BRCA2: variants seen among roughly 807,000 people sequenced by gnomAD.
The protein encoded by BRCA2 is BRCA2 DNA repair associated.
In BRCA2, 203 loss-of-function variants were observed where a neutral mutation model predicts 276.7. That is an observed-to-expected ratio of 0.73 (90% CI 0.65 to 0.82). The LOEUF is 0.82. Ranked by LOEUF, BRCA2 falls within the 40% of genes least tolerant of loss-of-function variation. The pLI is 0.00. For missense variants in BRCA2, 3,920 were observed against 3,915.0 expected (o/e 1.00, Z -0.03); for synonymous variants, 1,289 against 1,338.4 (o/e 0.96, Z 0.81).
intron 3 of BRCA2, among the ~76,000 whole-genome samples, chr13:32,323,413 A>G (rs1314714263): frequency 6.6e-6 from 1 of 152,152 alleles, no homozygotes; most frequent in Non-Finnish European, 1.5e-5. Context: ...TCGGCCTCCC[A>G]AAGTGCTGGG....
intron 9 of BRCA2, among the ~76,000 whole-genome samples, chr13:32,331,491 C>T (rs11571638): frequency 1.1e-4 from 17 of 152,044 alleles, no homozygotes; most frequent in Non-Finnish European, 2.4e-4. Context: ...TAAGCCCAGG[C>T]GGTCAAGGTT....
intron 24 of BRCA2, among the ~76,000 whole-genome samples, chr13:32,382,522 A>G (rs965740237): frequency 1.3e-5 from 2 of 152,242 alleles, no homozygotes; most frequent in African/African-American, 4.8e-5. Flanking sequence ...GCTATTTCAT[A>G]GAATTGATAA....
chr13:32,397,146 T>G, intron 26 of BRCA2, 102 bp downstream of exon 26: 1 of 1,329,384 alleles, frequency 7.5e-7, no homozygotes, highest in Non-Finnish European at 1.1e-6. Flanking sequence ...TAATTAAACT[T>G]AATTAGAAAA....
intron 24 of BRCA2, among the ~76,000 whole-genome samples, chr13:32,392,337 C>A (rs2073002467): frequency 6.6e-6 from 1 of 152,176 alleles, no homozygotes; most frequent in East Asian, 1.9e-4. Flanking sequence ...TCAGTTCTAT[C>A]CTGGTTTATC....
At position 32,376,713 on chromosome 13, in the gene BRCA2, A is replaced by C; in HGVS notation, c.8676A>C (p.Arg2892Ser). The C allele has an allele frequency of 1.2e-6, 2 of 1,614,166 alleles. No individual in the cohort carries two copies. Among genetic ancestry groups the C allele is most frequent in the Non-Finnish European group, 1.7e-6 (2 of 1,180,002 alleles). The change falls in exon 21 of 27, where the codon AGA (arginine) becomes AGC (serine). Residue 2892 changes from arginine (R) to serine (S), a missense_variant. This residue lies in a region of BRCA2 where 657 missense variants were observed against 758.2 expected (regional missense o/e 0.87). Coordinates refer to ENST00000380152, the MANE Select transcript of BRCA2 (RefSeq NM_000059.4). ...KPYLPSRALT[R>S]QQVRALQDGA... ...ATTTACCATCACGTGCACTAACAAG[A>C]CAGCAAGTTCGTGCTTTGCAAGATG...
chr13:32,342,728 A>G (rs2072581024), intron 11 of BRCA2, among the ~76,000 whole-genome samples: 1 of 152,194 alleles, frequency 6.6e-6, no homozygotes, highest in South Asian at 2.1e-4. Context: ...GAACATAGAA[A>G]AGGTACAGTA....
chr13:32,382,177 C>T (rs886664369), intron 24 of BRCA2, among the ~76,000 whole-genome samples: 3 of 152,118 alleles, frequency 2.0e-5, no homozygotes, highest in Admixed American at 6.5e-5. Flanking sequence ...TGGTCTCGAT[C>T]TCCTGACCTC....
intron 10 of BRCA2, among the ~76,000 whole-genome samples, chr13:32,334,689 A>G (rs1307235187): frequency 6.7e-6 from 1 of 150,318 alleles, no homozygotes; most frequent in Non-Finnish European, 1.5e-5. Flanking sequence ...AAAAAAAAAG[A>G]AAAAAAAAAT....
intron 2 of BRCA2, among the ~76,000 whole-genome samples, chr13:32,317,121 C>A (rs375293168): frequency 6.6e-6 from 1 of 152,160 alleles, no homozygotes; most frequent in Non-Finnish European, 1.5e-5. Flanking sequence ...ATCGCTTGAA[C>A]CCTGGAGGCA....
intron 7 of BRCA2, 29 bp from the exon 8 acceptor site, chr13:32,329,414 T>G: frequency 2.0e-6 from 3 of 1,532,876 alleles, no homozygotes; most frequent in Non-Finnish European, 2.7e-6. Flanking sequence ...AGTGATAATA[T>G]ACAATACACA....
At chr13:32,360,136 G>GA (rs1184273631) in intron 16 of BRCA2, among the ~76,000 whole-genome samples, 5 of 152,162 alleles carry the variant, frequency 3.3e-5, no homozygotes, top group Non-Finnish European at 7.3e-5. Flanking sequence ...AAAGTAAAAG[G>GA]AGGGAGCATA....
rs879254111 is a variant in BRCA2 at position 32,337,030 on chromosome 13, TC to T, written c.2677del (p.Gln893LysfsTer2). ...LFSDNENNFV[F>X]QVANERNNLA... ...TCAGACAATGAGAATAATTTTGTCT[TC>T]CAAGTAGCTAATGAAAGGAATAATC... is the stretch of plus-strand genomic sequence containing the variant. On this transcript the variant is annotated frameshift_variant, in exon 11 of 27. Transcript: ENST00000380152. LOFTEE classifies it high-confidence loss of function. 6.3e-7 allele frequency: 1 copy of T among 1,597,092 alleles called. No individual in the cohort carries two copies. Among genetic ancestry groups the T allele is most frequent in the South Asian group, 1.2e-5 (1 of 86,592 alleles).
At chr13:32,319,400 C>T in intron 3 of BRCA2, 75 bp downstream of exon 3, 1 of 1,419,026 alleles carries the variant, frequency 7.0e-7, no homozygotes, top group Non-Finnish European at 9.8e-7. Context: ...AAAATCTTAG[C>T]TCATTCATTA....
intron 4 of BRCA2, among the ~76,000 whole-genome samples, chr13:32,325,603 C>T (rs1454385335): frequency 2.7e-5 from 4 of 146,284 alleles, no homozygotes; most frequent in African/African-American, 7.7e-5. Context: ...TGCAGTGGTG[C>T]GATCTCAGCT....
At position 32,339,343 on chromosome 13, in the gene BRCA2, T is replaced by C. The variant is rs1060502436; in HGVS notation, c.4988T>C (p.Val1663Ala). 1 of 1,590,224 alleles carries C rather than the reference T, an allele frequency of 6.3e-7. No homozygotes were observed. Among genetic ancestry groups the C allele is most frequent in the Non-Finnish European group, 8.5e-7 (1 of 1,169,982 alleles). ...TACACAAATCAGTCCCCTTATTCAGTCATTGAAAATTCAGCCTTAGCTTTT... is the reference window on the plus strand; with the variant it reads ...TACACAAATCAGTCCCCTTATTCAGCCATTGAAAATTCAGCCTTAGCTTTT... ...TCYTNQSPYS[V>A]IENSALAFYT... The change falls in exon 11 of 27, where the codon GTC becomes GCC. Residue 1663 changes from valine (V) to alanine (A), a missense_variant. Physicochemically the swap from Val to Ala is moderately conservative, Grantham distance 64. Coordinates refer to ENST00000380152, the MANE Select transcript of BRCA2 (RefSeq NM_000059.4).
rs794726968 is a variant in BRCA2, at chr13:32,333,398, C to T, written c.1909+11C>T. ...CAAATGCTGATTCAGGTACCTCTGT[C>T]TTTTTTTTTTTGTAAATAGTACATA... On this transcript the variant is annotated intron_variant, in intron 10 of 26. Coordinates refer to ENST00000380152, the MANE Select transcript of BRCA2 (RefSeq NM_000059.4). 1.6e-6 allele frequency: 2 copies of T among 1,254,518 alleles called. No homozygotes were observed. The highest frequency in any genetic ancestry group is 2.2e-6 in the Non-Finnish European group (2 of 913,366). 77.7% of individuals were successfully genotyped at this position (1,254,518 alleles called of 1,614,324 possible). A position where few individuals can be genotyped will look rare whatever the true frequency, so the allele number is the denominator to read the frequency against.
chr13:32,380,832 G>T (rs2072920353), intron 24 of BRCA2, among the ~76,000 whole-genome samples: 1 of 151,878 alleles, frequency 6.6e-6, no homozygotes, highest in Non-Finnish European at 1.5e-5. Flanking sequence ...GAGCCACCGT[G>T]CCTGGCCAGA....
intron 14 of BRCA2, 127 bp from the exon 15 acceptor site, chr13:32,356,301 C>A (rs1241267667): frequency 1.0e-5 from 9 of 888,890 alleles, no homozygotes; most frequent in Non-Finnish European, 3.6e-6. Flanking sequence ...AACTCCCGAC[C>A]TCAGATGATC....
At position 32,363,866 on chromosome 13, in the gene BRCA2, A is replaced by G. The variant is rs11571721; in HGVS notation, c.8331+333A>G. On this transcript the variant is annotated intron_variant, in intron 18 of 26. Transcript: ENST00000380152. Reference sequence around the variant, plus strand: ...ATTCCACTCTGGATTAGAGAATTACATTTTAGTACTTTTCAAATATGTAAT... The same window carrying G: ...ATTCCACTCTGGATTAGAGAATTACGTTTTAGTACTTTTCAAATATGTAAT... Among the ~76,000 whole-genome samples, 2,371 of 152,274 alleles carry G rather than the reference A, an allele frequency of 0.016. 59 individuals are homozygous for G. Among genetic ancestry groups the G allele is most frequent in the African/African-American group, 0.055 (2,274 of 41,532 alleles).
Sources: gnomAD v4.1 joint callset for allele counts (sites outside exome capture counted in the v4.1 genomes callset) on GRCh38, gnomAD v4.1.1 for gene constraint, gnomAD v4.1.1 regional missense constraint, MANE v1.5 for transcripts, NCBI Gene and HGNC (gene_info 2026-07-23, HGNC 2026-07-21) for gene names.